The following RASGEF1C variants were observed in gnomAD, a reference collection of about 807,000 sequenced individuals.
RASGEF1C encodes ras-GEF domain-containing family member 1C.
In RASGEF1C, 27 loss-of-function variants were observed where a neutral mutation model predicts 58.1. The ratio of observed to expected loss-of-function variants is 0.46; its 90% CI spans 0.34 to 0.64. RASGEF1C has a LOEUF of 0.64. Among genes scored for constraint, RASGEF1C ranks in the 30% least tolerant of loss-of-function variants. RASGEF1C has a pLI of 0.01. For missense variants in RASGEF1C, 502 were observed against 605.1 expected, an observed-to-expected ratio of 0.83 and a Z score of 1.79; for synonymous variants, 243 against 246.3, an observed-to-expected ratio of 0.99 and a Z score of 0.13.
At chr5:180,207,860 C>G (rs549356462) in intron 1 of RASGEF1C, among the ~76,000 whole-genome samples, 2 of 152,322 alleles carry the variant, frequency 1.3e-5, no homozygotes, top group Admixed American at 1.3e-4. Context: ...CCTGACCAGA[C>G]GAAGGCTCCG....
intron 4 of RASGEF1C, among the ~76,000 whole-genome samples, chr5:180,135,049 C>CT (rs539235854): frequency 1.5e-5 from 2 of 136,800 alleles, no homozygotes; most frequent in African/African-American, 2.6e-5. Flanking sequence ...GTCCCCACCC[C>CT]CCCCGTCCAA....
chr5:180,173,814 G>A (rs1030934178), intron 1 of RASGEF1C, among the ~76,000 whole-genome samples: 4 of 152,038 alleles, frequency 2.6e-5, no homozygotes, highest in South Asian at 2.1e-4. Context: ...TAGGGAGGCT[G>A]AGGCAGGAGA....
intron 1 of RASGEF1C, among the ~76,000 whole-genome samples, chr5:180,182,358 T>G (rs1767356806): frequency 6.6e-6 from 1 of 151,884 alleles, no homozygotes; most frequent in Admixed American, 6.6e-5. Context: ...ACCTTCACGG[T>G]GAGTGTTACA....
chr5:180,134,365 C>T (rs376652197), intron 4 of RASGEF1C, among the ~76,000 whole-genome samples: 4 of 151,944 alleles, frequency 2.6e-5, no homozygotes, highest in African/African-American at 7.3e-5. Flanking sequence ...ACTAGTTTCC[C>T]GAGGGGAACC....
At chr5:180,127,007 T>C (rs1375480192) in intron 6 of RASGEF1C, among the ~76,000 whole-genome samples, 1 of 152,058 alleles carries the variant, frequency 6.6e-6, no homozygotes, top group Non-Finnish European at 1.5e-5. Context: ...TCATAGTTTG[T>C]ACTTTTATTA....
intron 6 of RASGEF1C, among the ~76,000 whole-genome samples, chr5:180,126,904 G>T (rs1263064478): frequency 2.0e-5 from 3 of 152,182 alleles, no homozygotes; most frequent in Non-Finnish European, 2.9e-5. Context: ...GGCTGCGCCA[G>T]CTTCACCCCA....
rs572778539 is a variant in RASGEF1C, at chr5:180,195,104, C to G, written c.-7+13924G>C. Among the ~76,000 whole-genome samples the G allele has an allele frequency of 2.0e-5, 3 of 152,340 alleles. No individual in the cohort carries two copies. In the East Asian group the frequency reaches 5.8e-4, roughly 29 times the overall value. ...TGCAGGGCCTCTCAAGCTGGGGGCC[C>G]TGACCTTGGCTGCTCCCTCCTCTCC... is the stretch of plus-strand genomic sequence containing the variant. On this transcript the variant is annotated intron_variant, in intron 1 of 13. Transcript: ENST00000361132.
intron 1 of RASGEF1C, among the ~76,000 whole-genome samples, chr5:180,163,653 T>A (rs1766979083): frequency 6.6e-6 from 1 of 152,202 alleles, no homozygotes; most frequent in Admixed American, 6.5e-5. Context: ...TATACCTTTA[T>A]CTATAATCTA....
At position 180,118,592 on chromosome 5, in the gene RASGEF1C, A is replaced by C. The variant is rs372297909; in HGVS notation, c.1083+17T>G. The C allele has an allele frequency of 6.3e-7, 1 of 1,590,924 alleles. No homozygotes were observed. The highest frequency in any genetic ancestry group is 1.2e-5 in the South Asian group (1 of 86,796). On this transcript the variant is annotated intron_variant, in intron 10 of 13. Coordinates refer to ENST00000361132, the MANE Select transcript of RASGEF1C (RefSeq NM_175062.4). ...TCCCTGCTGCAGCCCCCCTGGGCCAACGTGGCCCCGACCTACCTTCTCTCG... is the reference window on the plus strand; with the variant it reads ...TCCCTGCTGCAGCCCCCCTGGGCCACCGTGGCCCCGACCTACCTTCTCTCG...
intron 11 of RASGEF1C, among the ~76,000 whole-genome samples, chr5:180,112,066 C>T (rs1582260753): frequency 6.6e-6 from 1 of 152,132 alleles, no homozygotes; most frequent in East Asian, 1.9e-4. Flanking sequence ...CTGCTTGCTC[C>T]CCAAAGCTGG....
chr5:180,119,118 GC>G (rs1442151255), intron 8 of RASGEF1C, among the ~76,000 whole-genome samples: 2 of 152,260 alleles, frequency 1.3e-5, no homozygotes, highest in Admixed American at 6.5e-5. Flanking sequence ...ATACCACCAA[GC>G]CCTCACCAAA....
chr5:180,120,944 G>A (rs1328564454), intron 7 of RASGEF1C, 116 bp downstream of exon 7: 1 of 723,316 alleles, frequency 1.4e-6, no homozygotes, highest in African/African-American at 1.7e-5. Context: ...CCTGGCCTTG[G>A]ACTTAGAAAT....
intron 1 of RASGEF1C, among the ~76,000 whole-genome samples, chr5:180,159,145 A>AT (rs1298365846): frequency 1.2e-5 from 1 of 86,714 alleles, no homozygotes; most frequent in Non-Finnish European, 3.0e-5. Context: ...TTTTTTAATT[A>AT]ATTTTTTTTT....
intron 1 of RASGEF1C, among the ~76,000 whole-genome samples, chr5:180,195,596 T>TA (rs1259776760): frequency 6.6e-6 from 1 of 151,320 alleles, no homozygotes; most frequent in Non-Finnish European, 1.5e-5. Flanking sequence ...CCGTCTCTAC[T>TA]AAAAATACAA....
In RASGEF1C at chr5:180,137,969, C is replaced by T. The variant is rs145248620; in HGVS notation, c.84G>A (p.Gln28=). ...PPPTEPTDGE[Q]AGQPLLDGAP... ...CTCCATCCAGGAGGGGCTGCCCAGC[C>T]TGTTCGCCATCTGTGGGCTCGGTGG... The change falls in exon 2 of 14, where the codon CAG becomes CAA. Residue 28 remains glutamine, a synonymous_variant. Transcript: ENST00000361132. This position sits in a 1 kb window ranked among gnomAD's most constrained non-coding sequence, Gnocchi z 4.1. The T allele has an allele frequency of 1.5e-4, 246 of 1,604,274 alleles. 3 individuals carry two copies. The African/African-American group carries it at 3.0e-3, about 19-fold the overall frequency.
chr5:180,102,743 T>A (rs908545899), intron 12 of RASGEF1C, among the ~76,000 whole-genome samples: 1 of 152,138 alleles, frequency 6.6e-6, no homozygotes, highest in African/African-American at 2.4e-5. Context: ...TTCTCTATTC[T>A]GTCCCATTGA....
rs762350555 is a variant in RASGEF1C at position 180,137,918 on chromosome 5, T to C, written c.135A>G (p.Thr45=). 9 of 1,613,084 alleles carry C rather than the reference T, an allele frequency of 5.6e-6. No homozygotes were observed. The South Asian group carries it at 9.9e-5, about 18-fold the overall frequency. ...DGAPSSASLE[T]LIQHLVPTAD... is the part of the protein sequence containing the mutation. Reference sequence around the variant, plus strand: ...CTGTGGGCACCAGGTGCTGGATCAGTGTTTCCAGGGAGGCTGAGGATGGCG... The same window carrying C: ...CTGTGGGCACCAGGTGCTGGATCAGCGTTTCCAGGGAGGCTGAGGATGGCG... Residue 45 remains threonine, a synonymous_variant, in exon 2 of 14, where the codon ACA becomes ACG. Coordinates refer to ENST00000361132, the MANE Select transcript of RASGEF1C (RefSeq NM_175062.4). This position sits in a 1 kb window ranked among gnomAD's most constrained non-coding sequence, Gnocchi z 4.1.
chr5:180,113,819 C>T lies in RASGEF1C; in HGVS notation c.1179+627G>A, dbSNP rs1217115131. ...AGGGACCGAGGATGGATGGAGGGAC[C>T]GAGGATGGATGGAGGGACCGAGGAT... On this transcript the variant is annotated intron_variant, in intron 11 of 13. Transcript: ENST00000361132. 5.3e-5 allele frequency among the ~76,000 whole-genome samples: 8 copies of T among 151,598 alleles called. No individual in the cohort carries two copies. In the South Asian group the frequency reaches 1.5e-3, roughly 28 times the overall value.
At chr5:180,179,493 A>G (rs1767287175) in intron 1 of RASGEF1C, among the ~76,000 whole-genome samples, 2 of 152,158 alleles carry the variant, frequency 1.3e-5, no homozygotes, top group South Asian at 4.1e-4. Context: ...GCGTGAAGGC[A>G]GAAGCCAGCC....
Sources: allele counts gnomAD v4.1 joint callset (sites outside exome capture counted in the v4.1 genomes callset), GRCh38; gene constraint gnomAD v4.1.1; non-coding constraint Gnocchi (gnomAD v3.1); transcripts MANE v1.5; gene names NCBI Gene and HGNC (gene_info 2026-07-23, HGNC 2026-07-21).